The following FCHSD2 variants were observed in gnomAD, a reference collection of about 807,000 sequenced individuals.
The protein encoded by FCHSD2 is FCH and double SH3 domains 2.
In FCHSD2, 38 loss-of-function variants were observed where a neutral mutation model predicts 108.1. That is an observed-to-expected ratio of 0.35 (90% CI 0.27 to 0.46). The LOEUF is 0.46. Among genes scored for constraint, FCHSD2 ranks in the 20% least tolerant of loss-of-function variants. The pLI is 1.00. For synonymous variants in FCHSD2, 279 were observed against 314.7 expected (o/e 0.89, Z 1.20); for missense variants, 751 against 897.8 (o/e 0.84, Z 2.09).
intron 6 of FCHSD2, among the ~76,000 whole-genome samples, chr11:72,988,245 T>G (rs919377838): frequency 1.3e-5 from 2 of 152,216 alleles, no homozygotes; most frequent in African/African-American, 4.8e-5. Flanking sequence ...ACAGATGTCT[T>G]CAGAGTCCAG....
intron 12 of FCHSD2, among the ~76,000 whole-genome samples, chr11:72,870,355 C>T (rs1044131555): frequency 3.9e-5 from 6 of 152,120 alleles, no homozygotes; most frequent in Non-Finnish European, 7.4e-5. Flanking sequence ...CATTGACATT[C>T]AGCGTTATTC....
At chr11:73,038,591 C>G (rs1366153086) in intron 3 of FCHSD2, among the ~76,000 whole-genome samples, 3 of 152,094 alleles carry the variant, frequency 2.0e-5, no homozygotes, top group African/African-American at 7.2e-5. Flanking sequence ...CAAACTAACA[C>G]AGAAACAGAA....
At chr11:73,126,816 T>C (rs895104054) in intron 2 of FCHSD2, among the ~76,000 whole-genome samples, 11 of 152,132 alleles carry the variant, frequency 7.2e-5, no homozygotes, top group Admixed American at 7.2e-4. Context: ...GGCAGGTGGA[T>C]CACTTGAGGT....
At chr11:73,036,272 T>C (rs940568047) in intron 3 of FCHSD2, among the ~76,000 whole-genome samples, 1 of 151,944 alleles carries the variant, frequency 6.6e-6, no homozygotes, top group African/African-American at 2.4e-5. Context: ...CATAATAATT[T>C]TGAAATGTGT....
intron 3 of FCHSD2, among the ~76,000 whole-genome samples, chr11:73,074,769 A>C (rs1447445659): frequency 2.0e-5 from 3 of 152,186 alleles, no homozygotes; most frequent in African/African-American, 7.2e-5. Context: ...AAAACTGGCC[A>C]GGCACAGTGG....
rs1466695525 is a variant in FCHSD2, at chr11:73,082,335, C to CCAAA, written c.165+1359_165+1360insTTTG. ...CTGGATCACAGAGTGAGACTTGTCC[C>CCAAA]AAAAAAAAAAAAAAAAAAAAAAAAA... On this transcript the variant is annotated intron_variant, in intron 3 of 19. Transcript: ENST00000409418. Among the ~76,000 whole-genome samples the CCAAA allele has an allele frequency of 5.2e-4, 18 of 34,460 alleles. 1 individual carries two copies. Among genetic ancestry groups the CCAAA allele is most frequent in the African/African-American group, 1.9e-3 (18 of 9,300 alleles). 22.6% of individuals were successfully genotyped at this position (34,460 alleles called of 152,430 possible).
chr11:72,891,322 G>C (rs1855309692), intron 10 of FCHSD2, among the ~76,000 whole-genome samples: 1 of 152,248 alleles, frequency 6.6e-6, no homozygotes, highest in South Asian at 2.1e-4. Flanking sequence ...ATTTTTGTTG[G>C]GGGAATTGTG....
chr11:72,989,596 C>T (rs988673039), intron 5 of FCHSD2, among the ~76,000 whole-genome samples: 2 of 152,124 alleles, frequency 1.3e-5, no homozygotes, highest in East Asian at 1.9e-4. Context: ...AAGAGAAGCA[C>T]GAAACCTGGG....
At chr11:72,958,234 C>T (rs1591435098) in intron 8 of FCHSD2, among the ~76,000 whole-genome samples, 1 of 152,096 alleles carries the variant, frequency 6.6e-6, no homozygotes, top group Non-Finnish European at 1.5e-5. Context: ...GTGACAAGTT[C>T]TGGCCAGGTG....
chr11:72,876,860 G>T (rs192157021), intron 12 of FCHSD2, among the ~76,000 whole-genome samples: 43 of 152,014 alleles, frequency 2.8e-4, no homozygotes, highest in Admixed American at 2.5e-3. Context: ...TTATATATAC[G>T]TCCAGGATTT....
At chr11:73,041,080 A>G (rs957326468) in intron 3 of FCHSD2, among the ~76,000 whole-genome samples, 8 of 152,204 alleles carry the variant, frequency 5.3e-5, no homozygotes, top group Admixed American at 5.2e-4. Flanking sequence ...TTATGGCTAA[A>G]TAGTATTCCA....
chr11:73,040,030 T>TA (rs1181919971), intron 3 of FCHSD2, among the ~76,000 whole-genome samples: 2 of 152,230 alleles, frequency 1.3e-5, no homozygotes, highest in African/African-American at 2.4e-5. Flanking sequence ...ATGGAGGACT[T>TA]ACGTTGAACA....
chr11:72,871,856 T>C (rs1194222485), intron 12 of FCHSD2, among the ~76,000 whole-genome samples: 1 of 151,856 alleles, frequency 6.6e-6, no homozygotes, highest in Non-Finnish European at 1.5e-5. Context: ...CCTGCAAAAG[T>C]GTTGGGATTA....
Position 73,001,032 on chromosome 11 carries a change from A to G in FCHSD2, c.345T>C (p.Pro115=), listed in dbSNP as rs1022329519. The G allele has an allele frequency of 6.2e-7, 1 of 1,612,004 alleles. No individual in the cohort carries two copies. The change falls in exon 5 of 20, where the codon CCT becomes CCC. Residue 115 remains proline, a synonymous_variant. Transcript: ENST00000409418. ...CENYKNFISE[P]ARTVRSLKEQ... ...CTTTTAAGCTTCTCACTGTCCTTGC[A>G]GGCTCAGAAATGAAGTTTTTATAGT...
chr11:73,046,784 T>C (rs1858777659), intron 3 of FCHSD2, among the ~76,000 whole-genome samples: 1 of 152,156 alleles, frequency 6.6e-6, no homozygotes, highest in South Asian at 2.1e-4. Context: ...GATTTCACCA[T>C]GTTGCCCAGG....
chr11:72,882,347 G>A (rs1358024591), intron 12 of FCHSD2, among the ~76,000 whole-genome samples: 1 of 151,780 alleles, frequency 6.6e-6, no homozygotes, highest in African/African-American at 2.4e-5. Flanking sequence ...GACAGAGCAA[G>A]ACTTCGTCTC....
chr11:73,093,291 A>T (rs780664146), intron 2 of FCHSD2, among the ~76,000 whole-genome samples: 18 of 152,180 alleles, frequency 1.2e-4, no homozygotes, highest in Admixed American at 2.6e-4. Flanking sequence ...TAGCTATAAT[A>T]AATCATAACC....
intron 4 of FCHSD2, among the ~76,000 whole-genome samples, chr11:73,004,516 A>G (rs1421298705): frequency 6.6e-6 from 1 of 151,934 alleles, no homozygotes; most frequent in Non-Finnish European, 1.5e-5. Flanking sequence ...CCCCCTTTCC[A>G]TTGTCTCTTG....
intron 9 of FCHSD2, among the ~76,000 whole-genome samples, chr11:72,916,072 G>T (rs114301773): frequency 0.022 from 3,359 of 152,156 alleles, 114 homozygotes; most frequent in African/African-American, 0.076. Context: ...AGGGTGGAGG[G>T]TGGGAGGAGG....
Sources: allele counts gnomAD v4.1 joint callset (sites outside exome capture counted in the v4.1 genomes callset), GRCh38; gene constraint gnomAD v4.1.1; transcripts MANE v1.5; gene names NCBI Gene and HGNC (gene_info 2026-07-23, HGNC 2026-07-21).